UNC13A: variants seen among roughly 807,000 people sequenced by gnomAD.
UNC13A encodes the protein unc-13 homolog A, also known as protein unc-13 homolog A.
In UNC13A, 61 loss-of-function variants were observed where a neutral mutation model predicts 219.7. That is an observed-to-expected ratio of 0.28 (90% CI 0.23 to 0.34). The LOEUF is 0.34. UNC13A is among the 10% of genes least tolerant of loss of function. The pLI is 1.00. For missense variants in UNC13A, 1,476 were observed against 2,270.3 expected (o/e 0.65, Z 7.11); for synonymous variants, 920 against 884.6 (o/e 1.04, Z -0.71).
intron 34 of UNC13A, 30 bp downstream of exon 34, chr19:17,626,603 G>C (rs530915424): frequency 6.6e-7 from 1 of 1,516,654 alleles, no homozygotes; most frequent in African/African-American, 1.4e-5. Flanking sequence ...GCCCCTCCCC[G>C]GCCAGCCCAG....
chr19:17,647,728 C>A (rs971711109), intron 16 of UNC13A, among the ~76,000 whole-genome samples: 10 of 151,748 alleles, frequency 6.6e-5, no homozygotes, highest in Non-Finnish European at 1.3e-4. Flanking sequence ...CTGCCCCGCA[C>A]CCCTTGGAGT....
Position 17,630,169 on chromosome 19 carries a change from C to G in UNC13A, c.3645G>C (p.Gly1215=), listed in dbSNP as rs1415516826. The G allele has an allele frequency of 1.3e-6, 2 of 1,552,058 alleles. No individual in the cohort carries two copies. The highest frequency in any genetic ancestry group is 1.7e-6 in the Non-Finnish European group (2 of 1,147,104). ...KLECPDPQIV[G]HYMRRFAKTI... ...CCTTGGCAAAGCGCCTCATGTAGTG[C>G]CCCACGATCTGAGGGTCGGGACACT... is the stretch of plus-strand genomic sequence containing the variant. The change falls in exon 30 of 44, where the codon GGG becomes GGC. Residue 1215 remains glycine (G), a synonymous_variant. Transcript: ENST00000519716.
chr19:17,677,271 A>G (rs2079916212), intron 1 of UNC13A, among the ~76,000 whole-genome samples: 1 of 150,570 alleles, frequency 6.6e-6, no homozygotes, highest in African/African-American at 2.4e-5. Context: ...TTTGTCCCCC[A>G]CATCTTTTTC....
At chr19:17,653,580 C>T (rs2145860154) in intron 11 of UNC13A, among the ~76,000 whole-genome samples, 1 of 151,922 alleles carries the variant, frequency 6.6e-6, no homozygotes, top group South Asian at 2.1e-4. Context: ...AACTCCTGAC[C>T]TCAGGTGATC....
At chr19:17,617,368 C>T (rs554033706) in intron 41 of UNC13A, among the ~76,000 whole-genome samples, 1 of 152,250 alleles carries the variant, frequency 6.6e-6, no homozygotes, top group African/African-American at 2.4e-5. Flanking sequence ...CACCTTGTGG[C>T]CCTACGACGT....
chr19:17,621,583 T>C (rs1382930962), intron 37 of UNC13A, among the ~76,000 whole-genome samples: 1 of 152,080 alleles, frequency 6.6e-6, no homozygotes. Context: ...CCTGTGGGTA[T>C]TGCTGTGGGA....
At chr19:17,640,940 G>T (rs1188439924) in intron 21 of UNC13A, among the ~76,000 whole-genome samples, 2 of 147,748 alleles carry the variant, frequency 1.4e-5, no homozygotes, top group Non-Finnish European at 3.0e-5. Flanking sequence ...GTTTAGTGGC[G>T]CAATCTCGGC....
chr19:17,628,012 G>A (rs979171621), intron 31 of UNC13A, 72 bp from the exon 32 acceptor site: 2 of 1,445,542 alleles, frequency 1.4e-6, no homozygotes, highest in Non-Finnish European at 1.9e-6. Context: ...CCACCGCCAG[G>A]GACCTTGGGA....
chr19:17,623,584 G>A, intron 35 of UNC13A, 37 bp from the exon 36 acceptor site: 1 of 1,101,920 alleles, frequency 9.1e-7, no homozygotes. Flanking sequence ...GTGGGGGAGG[G>A]GGGAATAAGG....
chr19:17,643,171 C>T (rs1348028775), intron 19 of UNC13A, among the ~76,000 whole-genome samples: 1 of 152,080 alleles, frequency 6.6e-6, no homozygotes, highest in Non-Finnish European at 1.5e-5. Flanking sequence ...GCCACCGTGC[C>T]CAGCTAATTT....
chr19:17,667,265 A>AG (rs1677017988), intron 6 of UNC13A, among the ~76,000 whole-genome samples: 1 of 150,982 alleles, frequency 6.6e-6, no homozygotes, highest in Non-Finnish European at 1.5e-5. Context: ...AGAAAAAAAA[A>AG]AAAAGATGGG....
rs926445664 is a variant in UNC13A at position 17,674,293 on chromosome 19, G to A, written c.152+364C>T. 6.6e-6 allele frequency among the ~76,000 whole-genome samples: 1 copy of A among 152,322 alleles called. No individual in the cohort carries two copies. The stretch of plus-strand genomic sequence containing the variant: ...GTGGGAATCACGGGGAAGGCTGTGG[G>A]TTTTATTGTGAGGTCGATGAGCCAC... On this transcript the variant is annotated intron_variant, in intron 3 of 43. Transcript: ENST00000519716. The surrounding 1 kb of genome is among the most constrained non-coding windows in gnomAD (Gnocchi z 5.0).
At chr19:17,630,517 A>T in intron 29 of UNC13A, 137 bp downstream of exon 29, 1 of 1,180,002 alleles carries the variant, frequency 8.5e-7, no homozygotes, top group Non-Finnish European at 1.2e-6. Context: ...ATGAATGAAC[A>T]AAAGATTTTA....
chr19:17,616,378 G>A (rs1487040518), intron 41 of UNC13A: 2 of 690,364 alleles, frequency 2.9e-6, no homozygotes, highest in Non-Finnish European at 5.3e-6. Context: ...CACCAGGCGC[G>A]GGCGGCGGGC....
chr19:17,614,991 C>T (rs1407387359), intron 41 of UNC13A, among the ~76,000 whole-genome samples: 3 of 152,132 alleles, frequency 2.0e-5, no homozygotes, highest in Non-Finnish European at 4.4e-5. Flanking sequence ...GCCCCCATCC[C>T]GTGCTTTGCT....
At chr19:17,646,756 A>C (rs1205827317) in intron 17 of UNC13A, among the ~76,000 whole-genome samples, 1 of 152,186 alleles carries the variant, frequency 6.6e-6, no homozygotes, top group South Asian at 2.1e-4. Flanking sequence ...ATAACCTGAA[A>C]TCCTCATCCT....
At chr19:17,642,818 T>G in intron 20 of UNC13A, 27 bp downstream of exon 20, 1 of 1,570,158 alleles carries the variant, frequency 6.4e-7, no homozygotes, top group Non-Finnish European at 8.7e-7. Context: ...GGAAGTGGCA[T>G]GGGAGGGGCC....
At position 17,668,126 on chromosome 19, in the gene UNC13A, G is replaced by C; in HGVS notation, c.459C>G (p.Asp153Glu). ...CCACCCCAACACTCACTTCATCCTG[G>C]TCCCGCATAGCATTGAGCTGCTCCA... ...KKLEQLNAMRDQDEYSFQDEQ... is the reference protein window; with the variant it reads ...KKLEQLNAMREQDEYSFQDEQ... The change falls in exon 6 of 44, where the codon GAC (aspartate) becomes GAG (glutamate). Residue 153 changes from aspartate (D) to glutamate (E), a missense_variant. By Grantham distance (45) the Asp-to-Glu change is conservative. Transcript: ENST00000519716. The C allele has an allele frequency of 1.2e-6, 2 of 1,613,692 alleles. No homozygotes were observed. The highest frequency in any genetic ancestry group is 1.7e-6 in the Non-Finnish European group (2 of 1,179,740).
In UNC13A at chr19:17,653,193, GT is replaced by G. The variant is rs202221233; in HGVS notation, c.1393-517del. Among the ~76,000 whole-genome samples, 819 of 150,910 alleles carry G rather than the reference GT, an allele frequency of 5.4e-3. 8 individuals carry two copies. The highest frequency in any genetic ancestry group is 0.019 in the African/African-American group (777 of 41,150). On this transcript the variant is annotated intron_variant, in intron 11 of 43. Coordinates refer to ENST00000519716, the MANE Select transcript of UNC13A (RefSeq NM_001080421.3). ...TTCTGAAATATTGAGGGGGTGTTTG[GT>G]TTTTTTTTAAAGACAGGGTCTTGCT...
Sources: gnomAD v4.1 joint callset for allele counts (sites outside exome capture counted in the v4.1 genomes callset) on GRCh38, gnomAD v4.1.1 for gene constraint, Gnocchi (gnomAD v3.1) non-coding constraint, MANE v1.5 for transcripts, NCBI Gene and HGNC (gene_info 2026-07-23, HGNC 2026-07-21) for gene names.